SLC35F3: variants seen among roughly 807,000 people sequenced by gnomAD.
SLC35F3 encodes the protein solute carrier family 35 member F3, also known as putative thiamine transporter SLC35F3.
A neutral mutation model predicts 49.9 loss-of-function variants in SLC35F3; 25 were observed. The ratio of observed to expected loss-of-function variants is 0.50; its 90% confidence interval spans 0.37 to 0.70. SLC35F3 has a LOEUF of 0.70. Among genes scored for constraint, SLC35F3 ranks in the 30% least tolerant of loss-of-function variants. The pLI, the probability that SLC35F3 is intolerant of heterozygous loss-of-function variation, is 0.00. For missense variants in SLC35F3, 525 were observed against 639.8 expected, an observed-to-expected ratio of 0.82 and a Z score of 1.94; for synonymous variants, 275 against 265.4, an observed-to-expected ratio of 1.04 and a Z score of -0.35.
chr1:234,302,737 A>G (rs1668712499), intron 3 of SLC35F3, among the ~76,000 whole-genome samples: 2 of 151,954 alleles, frequency 1.3e-5, no homozygotes, highest in South Asian at 2.1e-4. Context: ...GGGCTGTGGC[A>G]TCCTTCACTG....
intron 2 of SLC35F3, among the ~76,000 whole-genome samples, chr1:234,179,236 A>G (rs1159846989): frequency 6.6e-6 from 1 of 152,326 alleles, no homozygotes; most frequent in African/African-American, 2.4e-5. Flanking sequence ...GAATGTTCCA[A>G]TTTGGCTGAA....
At chr1:233,917,674 C>T (rs1661994290) in intron 2 of SLC35F3, among the ~76,000 whole-genome samples, 1 of 152,184 alleles carries the variant, frequency 6.6e-6, no homozygotes, top group African/African-American at 2.4e-5. Context: ...TTCTCTCTTG[C>T]ACTACTGTAC....
chr1:234,196,298 G>C (rs912869024), intron 2 of SLC35F3, among the ~76,000 whole-genome samples: 24 of 152,338 alleles, frequency 1.6e-4, no homozygotes, highest in East Asian at 9.6e-4. Flanking sequence ...GTAATTAAAA[G>C]TGGATATAAA....
At chr1:234,154,118 C>T (rs904646672) in intron 2 of SLC35F3, among the ~76,000 whole-genome samples, 5 of 151,778 alleles carry the variant, frequency 3.3e-5, no homozygotes, top group African/African-American at 1.2e-4. Context: ...TGCCTGTAGT[C>T]CCAGCTACTT....
At chr1:234,251,106 T>C (rs1454823285) in intron 3 of SLC35F3, among the ~76,000 whole-genome samples, 1 of 152,090 alleles carries the variant, frequency 6.6e-6, no homozygotes, top group African/African-American at 2.4e-5. Context: ...CTAAGAGTAG[T>C]GGAGTATTTC....
chr1:234,252,412 C>CA (rs887295305), intron 3 of SLC35F3, among the ~76,000 whole-genome samples: 1 of 151,446 alleles, frequency 6.6e-6, no homozygotes, highest in Non-Finnish European at 1.5e-5. Context: ...TACTGCTTGG[C>CA]AAAAAATAAA....
At chr1:234,258,596 T>A (rs890881641) in intron 3 of SLC35F3, among the ~76,000 whole-genome samples, 2 of 152,240 alleles carry the variant, frequency 1.3e-5, no homozygotes, top group African/African-American at 4.8e-5. Flanking sequence ...AGCGAATAGT[T>A]TTGGAAAGAG....
chr1:234,233,233 A>G (rs1404361269), intron 3 of SLC35F3, among the ~76,000 whole-genome samples: 1 of 152,254 alleles, frequency 6.6e-6, no homozygotes, highest in Admixed American at 6.5e-5. Flanking sequence ...TAAATGATGT[A>G]TTTAACAGTT....
intron 2 of SLC35F3, among the ~76,000 whole-genome samples, chr1:234,040,441 T>C (rs1664202869): frequency 6.6e-6 from 1 of 152,194 alleles, no homozygotes; most frequent in South Asian, 2.1e-4. Flanking sequence ...TCAGGCTTTT[T>C]GACTTGAAGG....
At chr1:234,103,481 T>C (rs1665241913) in intron 2 of SLC35F3, among the ~76,000 whole-genome samples, 1 of 152,068 alleles carries the variant, frequency 6.6e-6, no homozygotes, top group East Asian at 1.9e-4. Flanking sequence ...ATGGGGCCTC[T>C]GGGACAGCAA....
chr1:234,280,892 C>T (rs1375825414), intron 3 of SLC35F3, among the ~76,000 whole-genome samples: 1 of 152,206 alleles, frequency 6.6e-6, no homozygotes, highest in Non-Finnish European at 1.5e-5. Flanking sequence ...TTACTCACTA[C>T]TCTGCCCTCA....
At chr1:234,044,880 G>C (rs1664267755) in intron 2 of SLC35F3, among the ~76,000 whole-genome samples, 1 of 152,048 alleles carries the variant, frequency 6.6e-6, no homozygotes, top group Admixed American at 6.6e-5. Flanking sequence ...ACTTATTTAG[G>C]AGGCACCTAG....
At chr1:234,204,681 A>G (rs958696946) in intron 2 of SLC35F3, among the ~76,000 whole-genome samples, 1 of 152,202 alleles carries the variant, frequency 6.6e-6, no homozygotes, top group Non-Finnish European at 1.5e-5. Context: ...CCTGCCGGGA[A>G]CTCTAGGGAA....
chr1:234,187,580 C>A lies in SLC35F3; in HGVS notation c.284-43837C>A, dbSNP rs189266710. Reference sequence around the variant, plus strand: ...CAGGACCCAGGAGACAGCCCAAATACTGTGCATGCCCAAACTGTGAAAGTG... The same window carrying A: ...CAGGACCCAGGAGACAGCCCAAATAATGTGCATGCCCAAACTGTGAAAGTG... On this transcript the variant is annotated intron_variant, in intron 2 of 7. Coordinates refer to ENST00000366618, the MANE Select transcript of SLC35F3 (RefSeq NM_173508.4). 5.0e-3 allele frequency among the ~76,000 whole-genome samples: 755 copies of A among 152,340 alleles called. 2 individuals are homozygous for A. The highest frequency in any genetic ancestry group is 8.0e-3 in the Admixed American group (122 of 15,304).
At chr1:233,918,419 T>A (rs868453846) in intron 2 of SLC35F3, among the ~76,000 whole-genome samples, 12 of 152,046 alleles carry the variant, frequency 7.9e-5, no homozygotes, top group Non-Finnish European at 1.6e-4. Flanking sequence ...TGTGGAGGTG[T>A]CTGTGTGATT....
intron 3 of SLC35F3, among the ~76,000 whole-genome samples, chr1:234,282,617 A>G (rs553207153): frequency 6.6e-6 from 1 of 152,316 alleles, no homozygotes; most frequent in African/African-American, 2.4e-5. Flanking sequence ...AGCACCGCCA[A>G]AAGAAAACTG....
In SLC35F3 at chr1:234,249,501, T is replaced by C. The variant is rs12401506; in HGVS notation, c.608+17760T>C. On this transcript the variant is annotated intron_variant, in intron 3 of 7. Coordinates refer to ENST00000366618, the MANE Select transcript of SLC35F3 (RefSeq NM_173508.4). ...ATTTGGTGGGCATGTCGGTGAGGGTTTCTTGCCCACCTTCATCCAAGTACC... is the reference window on the plus strand; with the variant it reads ...ATTTGGTGGGCATGTCGGTGAGGGTCTCTTGCCCACCTTCATCCAAGTACC... 2.9e-3 allele frequency among the ~76,000 whole-genome samples: 438 copies of C among 152,254 alleles called. 5 individuals are homozygous for C. Among genetic ancestry groups the C allele is most frequent in the Admixed American group, 0.015 (225 of 15,298 alleles).
At chr1:234,298,161 T>C (rs889119465) in intron 3 of SLC35F3, among the ~76,000 whole-genome samples, 1 of 152,072 alleles carries the variant, frequency 6.6e-6, no homozygotes, top group Admixed American at 6.5e-5. Flanking sequence ...GAAATGTAAA[T>C]ATGTGACATC....
At chr1:234,291,250 C>T (rs1050910040) in intron 3 of SLC35F3, among the ~76,000 whole-genome samples, 1 of 152,204 alleles carries the variant, frequency 6.6e-6, no homozygotes, top group Non-Finnish European at 1.5e-5. Context: ...CTAACGTGCA[C>T]ACATTAGGGG....
Sources: gnomAD v4.1 joint callset for allele counts (sites outside exome capture counted in the v4.1 genomes callset) on GRCh38, gnomAD v4.1.1 for gene constraint, MANE v1.5 for transcripts, NCBI Gene and HGNC (gene_info 2026-07-23, HGNC 2026-07-21) for gene names.